The following NAALADL2 variants were observed in gnomAD, a reference collection of about 807,000 sequenced individuals.
NAALADL2 encodes the protein inactive N-acetylated-alpha-linked acidic dipeptidase-like protein 2.
NAALADL2 carries 76 observed loss-of-function variants against 87.2 expected under a neutral mutation model. The ratio of observed to expected loss-of-function variants is 0.87; its 90% CI spans 0.72 to 1.05. The LOEUF (loss-of-function observed/expected upper bound fraction) is 1.05. Among genes scored for constraint, NAALADL2 ranks in the 50% least tolerant of loss-of-function variants. NAALADL2 has a pLI of 0.00. For missense variants in NAALADL2, 1,089 were observed against 945.8 expected (o/e 1.15, Z -1.99); for synonymous variants, 354 against 331.0 (o/e 1.07, Z -0.75).
chr3:175,159,098 TA>T (rs1362519134), intron 2 of NAALADL2, among the ~76,000 whole-genome samples: 1 of 152,166 alleles, frequency 6.6e-6, no homozygotes, highest in Non-Finnish European at 1.5e-5. Flanking sequence ...CAAAAGCATA[TA>T]AATTCAGATC....
At position 175,606,910 on chromosome 3, in the gene NAALADL2, A is replaced by C. The variant is rs1194115488; in HGVS notation, c.1801-20381A>C. On this transcript the variant is annotated intron_variant, in intron 10 of 13. Transcript: ENST00000454872. ...TGTGGTAATTTTGCTGGATCAGTAC[A>C]TATCCTTAACATAAAATTTAACAAG... 2.6e-5 allele frequency among the ~76,000 whole-genome samples: 4 copies of C among 152,274 alleles called. No homozygotes were observed. The South Asian group carries it at 8.3e-4, about 32-fold the overall frequency.
chr3:175,588,391 A>G (rs73171407), intron 10 of NAALADL2, among the ~76,000 whole-genome samples: 20,864 of 152,100 alleles, frequency 0.14, 1,548 homozygotes, highest in Middle Eastern at 0.18. Context: ...TTGAAAATAG[A>G]TTTCAAAATA....
At chr3:175,087,157 A>G (rs1380008061) in intron 1 of NAALADL2, among the ~76,000 whole-genome samples, 7 of 152,226 alleles carry the variant, frequency 4.6e-5, no homozygotes, top group Admixed American at 6.5e-5. Context: ...ATCTTGCACA[A>G]TTTGTTTCTC....
intron 2 of NAALADL2, among the ~76,000 whole-genome samples, chr3:174,714,057 A>C (rs1341254644): frequency 6.6e-6 from 1 of 152,170 alleles, no homozygotes; most frequent in African/African-American, 2.4e-5. Flanking sequence ...TTAAATAGGG[A>C]ATCCTTTCCC....
At chr3:175,602,149 T>C (rs954547579) in intron 10 of NAALADL2, among the ~76,000 whole-genome samples, 4 of 152,128 alleles carry the variant, frequency 2.6e-5, no homozygotes, top group Admixed American at 6.5e-5. Context: ...AGTCTTCTTA[T>C]CTACGTATTG....
chr3:175,558,035 A>T (rs1396464411), intron 9 of NAALADL2, among the ~76,000 whole-genome samples: 1 of 151,878 alleles, frequency 6.6e-6, no homozygotes, highest in African/African-American at 2.4e-5. Context: ...TCTACTAAAA[A>T]TACAAAAAAC....
intron 10 of NAALADL2, among the ~76,000 whole-genome samples, chr3:175,600,525 C>CTATTTT: frequency 1.6e-5 from 1 of 61,040 alleles, no homozygotes; most frequent in Non-Finnish European, 2.9e-5. Context: ...GTGTCTTAGT[C>CTATTTT]TTTTTTTTTT....
chr3:175,209,827 G>C (rs1035978625), intron 2 of NAALADL2, among the ~76,000 whole-genome samples: 30 of 151,708 alleles, frequency 2.0e-4, no homozygotes, highest in African/African-American at 7.2e-4. Flanking sequence ...AATGTGAAGA[G>C]CTTTCTCACT....
chr3:175,430,424 G>A (rs897182722), intron 5 of NAALADL2, among the ~76,000 whole-genome samples: 2 of 151,870 alleles, frequency 1.3e-5, no homozygotes, highest in Admixed American at 1.3e-4. Flanking sequence ...CTAATTGTAA[G>A]TATTCAGTAC....
Position 175,087,239 on chromosome 3 carries a change from G to A in NAALADL2, c.44-9551G>A, listed in dbSNP as rs1022550111. 4.6e-5 allele frequency among the ~76,000 whole-genome samples: 7 copies of A among 152,174 alleles called. No homozygotes were observed. In the South Asian group the frequency reaches 8.3e-4, roughly 18 times the overall value. On this transcript the variant is annotated intron_variant, in intron 1 of 13. Transcript: ENST00000454872. ...TTTAATCTTGACTTTGAGGAAGGTG[G>A]GGGGCAGCCCCTGCCCGGCCAGCTG...
chr3:174,854,207 G>C (rs887592788), intron 3 of NAALADL2, among the ~76,000 whole-genome samples: 2 of 152,016 alleles, frequency 1.3e-5, no homozygotes, highest in East Asian at 3.9e-4. Context: ...ACCATAAAAA[G>C]AATGAAATAA....
intron 2 of NAALADL2, among the ~76,000 whole-genome samples, chr3:175,201,545 T>A (rs920195359): frequency 6.6e-6 from 1 of 152,182 alleles, no homozygotes; most frequent in Non-Finnish European, 1.5e-5. Flanking sequence ...CAATAAGACA[T>A]TATAACTAGG....
chr3:174,774,230 A>T (rs537478555), intron 3 of NAALADL2, among the ~76,000 whole-genome samples: 13 of 152,280 alleles, frequency 8.5e-5, no homozygotes, highest in Admixed American at 3.3e-4. Flanking sequence ...CATGTGGTCC[A>T]TCAGAAGCTC....
chr3:174,983,173 G>A (rs968826343), intron 1 of NAALADL2, among the ~76,000 whole-genome samples: 1 of 152,174 alleles, frequency 6.6e-6, no homozygotes, highest in Admixed American at 6.5e-5. Flanking sequence ...AAATTACAAA[G>A]TTTGGTCAGG....
At chr3:174,881,219 T>C (rs1425501181) in intron 1 of NAALADL2, among the ~76,000 whole-genome samples, 1 of 152,090 alleles carries the variant, frequency 6.6e-6, no homozygotes, top group Admixed American at 6.6e-5. Flanking sequence ...ATGGAACATA[T>C]GATATTTCAT....
chr3:174,490,949 T>G (rs1370327286), intron 1 of NAALADL2, among the ~76,000 whole-genome samples: 1 of 152,056 alleles, frequency 6.6e-6, no homozygotes, highest in Non-Finnish European at 1.5e-5. Flanking sequence ...AAATGAGAGA[T>G]AACATACTTT....
chr3:175,631,618 C>CA (rs1183323964), intron 11 of NAALADL2, among the ~76,000 whole-genome samples: 1 of 151,866 alleles, frequency 6.6e-6, no homozygotes, highest in African/African-American at 2.4e-5. Flanking sequence ...TGCTGAAGGG[C>CA]AATACATGCT....
At chr3:175,216,033 A>G (rs1377808577) in intron 2 of NAALADL2, among the ~76,000 whole-genome samples, 2 of 152,170 alleles carry the variant, frequency 1.3e-5, no homozygotes, top group African/African-American at 4.8e-5. Flanking sequence ...TTTAGTGCCA[A>G]TTTGTAATCA....
intron 2 of NAALADL2, among the ~76,000 whole-genome samples, chr3:175,173,524 T>A (rs2108930137): frequency 6.6e-6 from 1 of 152,214 alleles, no homozygotes; most frequent in East Asian, 1.9e-4. Flanking sequence ...ATGACATTTT[T>A]CAAATAGTTT....
Sources: allele counts gnomAD v4.1 joint callset (sites outside exome capture counted in the v4.1 genomes callset), GRCh38; gene constraint gnomAD v4.1.1; transcripts MANE v1.5; gene names NCBI Gene and HGNC (gene_info 2026-07-23, HGNC 2026-07-21).